TMEM117: variants seen among roughly 807,000 people sequenced by gnomAD.
TMEM117 encodes transmembrane protein 117.
TMEM117 carries 27 observed loss-of-function variants against 52.4 expected under a neutral mutation model. The observed-to-expected ratio is 0.51, with a 90% CI of 0.38 to 0.71. The LOEUF (loss-of-function observed/expected upper bound fraction) is 0.71, where lower values mean the gene tolerates loss of function less well. Ranked by LOEUF, TMEM117 falls within the 30% of genes least tolerant of loss-of-function variation. The pLI is 0.00. For synonymous variants in TMEM117, 215 were observed against 206.3 expected, an observed-to-expected ratio of 1.04 and a Z score of -0.36; for missense variants, 556 against 630.5, an observed-to-expected ratio of 0.88 and a Z score of 1.26.
chr12:43,843,462 A>G (rs981987307), intron 1 of TMEM117, among the ~76,000 whole-genome samples: 1 of 152,152 alleles, frequency 6.6e-6, no homozygotes, highest in Non-Finnish European at 1.5e-5. Flanking sequence ...CCGGTTCCCA[A>G]AGAGGGGAGA....
intron 6 of TMEM117, among the ~76,000 whole-genome samples, chr12:44,334,465 T>C (rs1014694351): frequency 2.6e-5 from 4 of 152,032 alleles, no homozygotes; most frequent in African/African-American, 9.7e-5. Flanking sequence ...AAAGGCATGG[T>C]GCAGCTCTGG....
intron 1 of TMEM117, among the ~76,000 whole-genome samples, chr12:43,842,538 C>T (rs941515010): frequency 9.2e-5 from 14 of 152,246 alleles, no homozygotes; most frequent in African/African-American, 3.4e-4. Context: ...GTTGAATTGG[C>T]ATTCGTCAGC....
chr12:44,181,218 A>C (rs1348739126), intron 4 of TMEM117, among the ~76,000 whole-genome samples: 1 of 148,674 alleles, frequency 6.7e-6, no homozygotes, highest in Non-Finnish European at 1.5e-5. Flanking sequence ...TTTTCTTGTA[A>C]ATTTGTTTGA....
intron 5 of TMEM117, among the ~76,000 whole-genome samples, chr12:44,223,782 G>C (rs907649800): frequency 2.6e-5 from 4 of 152,128 alleles, no homozygotes; most frequent in Non-Finnish European, 4.4e-5. Flanking sequence ...AGGCTGACTT[G>C]TGAGGTCCTA....
At chr12:44,070,063 G>T (rs1355906646) in intron 3 of TMEM117, among the ~76,000 whole-genome samples, 2 of 152,094 alleles carry the variant, frequency 1.3e-5, no homozygotes, top group Non-Finnish European at 2.9e-5. Flanking sequence ...CTAATTATTT[G>T]TATTTTTTGT....
intron 5 of TMEM117, among the ~76,000 whole-genome samples, chr12:44,242,820 C>G (rs1377409676): frequency 6.6e-6 from 1 of 150,710 alleles, no homozygotes; most frequent in Non-Finnish European, 1.5e-5. Flanking sequence ...TCATTTTTAG[C>G]TCTTTGAGGA....
chr12:44,319,227 GATTAA>G (rs1470580167), intron 6 of TMEM117, among the ~76,000 whole-genome samples: 4 of 152,202 alleles, frequency 2.6e-5, no homozygotes, highest in Admixed American at 6.5e-5. Context: ...TATGCACCTG[GATTAA>G]AAATGGCATC....
intron 2 of TMEM117, among the ~76,000 whole-genome samples, chr12:43,919,166 C>T (rs950005064): frequency 7.9e-5 from 12 of 152,100 alleles, no homozygotes; most frequent in Admixed American, 7.2e-4. Flanking sequence ...ATGAAGTATA[C>T]CCTCTTTAAC....
At chr12:43,993,955 A>G (rs1303817237) in intron 3 of TMEM117, among the ~76,000 whole-genome samples, 3 of 152,150 alleles carry the variant, frequency 2.0e-5, no homozygotes, top group Non-Finnish European at 4.4e-5. Flanking sequence ...TCAGCCTCCC[A>G]TAGTGCTGGG....
chr12:44,000,538 C>T (rs142230054), intron 3 of TMEM117, among the ~76,000 whole-genome samples: 7 of 152,204 alleles, frequency 4.6e-5, no homozygotes, highest in African/African-American at 1.7e-4. Context: ...CTCTCTGAAA[C>T]CACTAGAGGG....
intron 2 of TMEM117, among the ~76,000 whole-genome samples, chr12:43,885,151 A>G (rs1443994400): frequency 6.6e-6 from 1 of 152,186 alleles, no homozygotes; most frequent in Non-Finnish European, 1.5e-5. Context: ...TAAACACTTC[A>G]TGGATTCGTA....
chr12:44,154,250 A>C (rs1422872379), intron 4 of TMEM117, among the ~76,000 whole-genome samples: 5 of 152,100 alleles, frequency 3.3e-5, no homozygotes, highest in Admixed American at 2.6e-4. Context: ...TTCCAACGAT[A>C]TCAGTTAAAA....
At chr12:44,176,361 TA>T (rs1305284003) in intron 4 of TMEM117, among the ~76,000 whole-genome samples, 1 of 152,176 alleles carries the variant, frequency 6.6e-6, no homozygotes, top group Non-Finnish European at 1.5e-5. Flanking sequence ...GAGTGAATAA[TA>T]CATCTCTGTT....
At chr12:43,831,604 C>T (rs1020831509), upstream of TMEM117, among the ~76,000 whole-genome samples, 14 of 150,290 alleles carry the variant, frequency 9.3e-5, no homozygotes, top group East Asian at 1.9e-4. Context: ...AGTGCAGTGG[C>T]GCAATCTTGG....
intron 3 of TMEM117, among the ~76,000 whole-genome samples, chr12:43,997,649 T>C (rs1193181704): frequency 6.6e-6 from 1 of 152,212 alleles, no homozygotes; most frequent in Non-Finnish European, 1.5e-5. Flanking sequence ...ATCATTACCA[T>C]TGTCACTGGC....
intron 3 of TMEM117, 59 bp from the exon 4 acceptor site, chr12:44,143,466 A>C: frequency 7.6e-7 from 1 of 1,314,732 alleles, no homozygotes; most frequent in African/African-American, 1.5e-5. Context: ...CTGAACCAGA[A>C]AGCCTTAACT....
chr12:43,891,217 G>A (rs1466478652), intron 2 of TMEM117, among the ~76,000 whole-genome samples: 1 of 152,036 alleles, frequency 6.6e-6, no homozygotes, highest in East Asian at 1.9e-4. Context: ...CATACCATGT[G>A]TTAGGTATTC....
intron 2 of TMEM117, among the ~76,000 whole-genome samples, chr12:43,848,295 A>C (rs1233721213): frequency 1.3e-5 from 2 of 152,124 alleles, no homozygotes; most frequent in African/African-American, 4.8e-5. Context: ...ACCAGGGTTG[A>C]GTTTCCTCAA....
intron 6 of TMEM117, among the ~76,000 whole-genome samples, chr12:44,359,345 T>A (rs1456519040): frequency 6.6e-6 from 1 of 152,086 alleles, no homozygotes; most frequent in African/African-American, 2.4e-5. Flanking sequence ...TTTAAAACCA[T>A]CTATAATTTT....
Sources: gnomAD v4.1 joint callset for allele counts (sites outside exome capture counted in the v4.1 genomes callset) on GRCh38, gnomAD v4.1.1 for gene constraint, MANE v1.5 for transcripts, NCBI Gene and HGNC (gene_info 2026-07-23, HGNC 2026-07-21) for gene names.